ABCA10: variants seen among roughly 807,000 people sequenced by gnomAD.
ABCA10 encodes ATP-binding cassette sub-family A member 10.
In ABCA10, 169 loss-of-function variants were observed where a neutral mutation model predicts 187.5. That is an observed-to-expected ratio of 0.90 (90% CI 0.80 to 1.02). The LOEUF (loss-of-function observed/expected upper bound fraction) is 1.02, where lower values mean the gene tolerates loss of function less well. ABCA10 is among the 50% of genes least tolerant of loss of function. The pLI is 0.00. For synonymous variants in ABCA10, 574 were observed against 601.8 expected (o/e 0.95, Z 0.68); for missense variants, 1,727 against 1,812.4 (o/e 0.95, Z 0.86).
intron 3 of ABCA10, among the ~76,000 whole-genome samples, chr17:69,223,016 T>C (rs1490221998): frequency 1.3e-5 from 2 of 150,116 alleles, no homozygotes; most frequent in Non-Finnish European, 3.0e-5. Flanking sequence ...TGTGCATATT[T>C]GCCTTGAAGG....
Position 69,215,890 on chromosome 17 carries a change from A to G in ABCA10, c.783T>C (p.Tyr261=), listed in dbSNP as rs11077414. ...FWGCLGFTVL[Y]RQLPLSLGWV... ...ATCCCAAAGATAAAGGAAGTTGTCTATATAACACAGTGAATCCCAGACATC... is the reference window on the plus strand; with the variant it reads ...ATCCCAAAGATAAAGGAAGTTGTCTGTATAACACAGTGAATCCCAGACATC... The change falls in exon 8 of 39, where the codon TAT becomes TAC. Residue 261 remains tyrosine, a synonymous_variant. Transcript: ENST00000690296. 1,010,811 of 1,613,318 alleles carry G rather than the reference A, an allele frequency of 0.63. 324,117 individuals carry two copies. The highest frequency in any genetic ancestry group is 0.66 in the Non-Finnish European group (782,409 of 1,179,680).
At position 69,225,424 on chromosome 17, in the gene ABCA10, C is replaced by A. The variant is rs1005981291; in HGVS notation, c.-66G>T. ...ACCAGGCCAGAGTCATTAAACTGAT[C>A]CACGCTTCCCAGGACTTTAGGAGGT... On this transcript the variant is annotated 5_prime_UTR_variant, in exon 3 of 39. Coordinates refer to ENST00000690296, the MANE Select transcript of ABCA10 (RefSeq NM_001377321.1). 4.6e-5 allele frequency: 71 copies of A among 1,555,060 alleles called. No homozygotes were observed. The Admixed American group carries it at 1.2e-3, about 27-fold the overall frequency.
At position 69,149,068 on chromosome 17, in the gene ABCA10, C is replaced by A. The variant is rs1293979006; in HGVS notation, c.4498G>T (p.Glu1500Ter). 6.8e-6 allele frequency: 11 copies of A among 1,613,954 alleles called. No individual in the cohort carries two copies. Among genetic ancestry groups the A allele is most frequent in the African/African-American group, 1.3e-5 (1 of 75,032 alleles). ...LEAMKQTFNL[E>*]EYSLSQATLE... ...GTAGCCTGAGAGAGGCTGTATTCCT[C>A]CAGGTTGAAGGTCTGTTTCACTGCA... Residue 1500 changes from glutamate to a stop codon, truncating the protein, a stop_gained, in exon 38 of 39, where the codon GAG becomes TAG. Coordinates refer to ENST00000690296, the MANE Select transcript of ABCA10 (RefSeq NM_001377321.1). LOFTEE classifies it low-confidence loss of function (END_TRUNC).
chr17:69,152,132 T>C lies in ABCA10; in HGVS notation c.4308A>G (p.Leu1436=), dbSNP rs200579316. ...TAGGTTCTTTCATTTTTATTTCTAG[T>C]AAATAATCTCTACCAAACTTGTTTT... The part of the protein sequence containing the change: ...HLKNKFGRDY[L]LEIKMKEPTQ... Residue 1436 remains leucine, a synonymous_variant, in exon 36 of 39, where the codon TTA becomes TTG. Coordinates refer to ENST00000690296, the MANE Select transcript of ABCA10 (RefSeq NM_001377321.1). 61 of 1,613,750 alleles carry C rather than the reference T, an allele frequency of 3.8e-5. No homozygotes were observed. Among genetic ancestry groups the C allele is most frequent in the Admixed American group, 8.3e-5 (5 of 59,964 alleles).
At chr17:69,210,839 T>TATATATATATATATATATA (rs1568069864) in intron 9 of ABCA10, among the ~76,000 whole-genome samples, 10 of 31,072 alleles carry the variant, frequency 3.2e-4, no homozygotes, top group African/African-American at 6.6e-4. Context: ...TGCCACATAT[T>TATATATATATATATATATA]TATGCCACAT....
At chr17:69,163,680 C>T (rs775582904) in intron 27 of ABCA10, among the ~76,000 whole-genome samples, 2 of 152,144 alleles carry the variant, frequency 1.3e-5, no homozygotes, top group Non-Finnish European at 2.9e-5. Context: ...TTTATATTCG[C>T]TTTCATTGTC....
intron 12 of ABCA10, 70 bp from the exon 13 acceptor site, chr17:69,194,059 G>A (rs1386976238): frequency 1.4e-6 from 2 of 1,393,200 alleles, no homozygotes; most frequent in African/African-American, 2.9e-5. Flanking sequence ...ATATATGTTA[G>A]TATTTAGATT....
In ABCA10 at chr17:69,174,628, T is replaced by C. The variant is rs1292937008; in HGVS notation, c.3027A>G (p.Ser1009=). The C allele has an allele frequency of 1.2e-6, 2 of 1,604,286 alleles. No homozygotes were observed. The highest frequency in any genetic ancestry group is 1.7e-5 in the Admixed American group (1 of 57,692). Residue 1009 remains serine, a synonymous_variant, in exon 24 of 39, where the codon TCA becomes TCG. Transcript: ENST00000690296. ...TTACCAAAACAAACATGAGTTCCCA[T>C]GAAAGCTGGAATCCCAGAAATATGA... The part of the protein sequence containing the change: ...YYFIFLGFQL[S]WELMFVLVVC...
At chr17:69,192,896 C>T (rs1479159387) in intron 15 of ABCA10, among the ~76,000 whole-genome samples, 1 of 152,202 alleles carries the variant, frequency 6.6e-6, no homozygotes, top group East Asian at 1.9e-4. Context: ...TGGCCTGATT[C>T]TTCACCTCTT....
chr17:69,155,128 G>T lies in ABCA10; in HGVS notation c.3585C>A (p.Val1195=). 1 of 1,602,090 alleles carries T rather than the reference G, an allele frequency of 6.2e-7. No homozygotes were observed. Among genetic ancestry groups the T allele is most frequent in the Non-Finnish European group, 8.5e-7 (1 of 1,173,706 alleles). ...CCTTGTGTAAACAGCTTGCAGTTAT[G>T]ACTGGTTCCTGGAAAACATGACAAA... The part of the protein sequence containing the change: ...LTAPNLEEEP[V]ITASCLHKEY... The change falls in exon 30 of 39, where the codon GTC becomes GTA. Residue 1195 remains valine (V), a synonymous_variant. Transcript: ENST00000690296.
Position 69,214,755 on chromosome 17 carries a change from CA to C in ABCA10, c.954del (p.Phe318LeufsTer7). 2 of 1,517,760 alleles carry C rather than the reference CA, an allele frequency of 1.3e-6. No individual in the cohort carries two copies. The highest frequency in any genetic ancestry group is 1.3e-5 in the South Asian group (1 of 78,188). The allele number at this position is 1,517,760 out of a possible 1,614,324, so 94.0% of individuals were successfully genotyped here. On this transcript the variant is annotated frameshift_variant, in exon 9 of 39. Coordinates refer to ENST00000690296, the MANE Select transcript of ABCA10 (RefSeq NM_001377321.1). LOFTEE classifies it high-confidence loss of function. Reference sequence around the variant, plus strand: ...GTGAATATCAAATAGAAAAGAGTATCAAATGCCAAAATGAAAAAAGTGGCTA... The same window carrying C: ...GTGAATATCAAATAGAAAAGAGTATCAATGCCAAAATGAAAAAAGTGGCTA... ...KMIATFFILAFDTLFYLIFTL... is the reference protein window; with the variant it reads ...KMIATFFILAXDTLFYLIFTL...
In ABCA10 at chr17:69,153,850, C is replaced by A; in HGVS notation, c.3946G>T (p.Ala1316Ser). 1 of 1,613,600 alleles carries A rather than the reference C, an allele frequency of 6.2e-7. No individual in the cohort carries two copies. Among genetic ancestry groups the A allele is most frequent in the South Asian group, 1.1e-5 (1 of 90,940 alleles). ...CTGTACCGTGAAATACTGAGAGCAGCATCTTCTTTGCCCAGTCCTTTCACA... is the reference window on the plus strand; with the variant it reads ...CTGTACCGTGAAATACTGAGAGCAGAATCTTCTTTGCCCAGTCCTTTCACA... ...AAVKGLGKED[A>S]ALSISRLVEA... Residue 1316 changes from alanine to serine, a missense_variant, in exon 32 of 39, where the codon GCT (alanine) becomes TCT (serine). Coordinates refer to ENST00000690296, the MANE Select transcript of ABCA10 (RefSeq NM_001377321.1).
upstream of ABCA10, chr17:69,228,963 A>C (rs2074813689): frequency 6.6e-6 from 1 of 152,072 alleles, no homozygotes; most frequent in Non-Finnish European, 1.5e-5. Context: ...ATGACTTTTA[A>C]TAATTAAAAA....
chr17:69,154,550 A>T (rs1035969880), intron 30 of ABCA10, among the ~76,000 whole-genome samples: 2 of 150,500 alleles, frequency 1.3e-5, no homozygotes, highest in African/African-American at 4.9e-5. Flanking sequence ...TCAGTCTCCC[A>T]GGTAGCCAGA....
chr17:69,152,244 G>A, intron 35 of ABCA10, 61 bp from the exon 36 acceptor site: 1 of 1,574,912 alleles, frequency 6.3e-7, no homozygotes, highest in Non-Finnish European at 8.6e-7. Context: ...GGTTCTCACT[G>A]TAGAGGAAGG....
At chr17:69,165,790 A>G (rs183425635) in intron 25 of ABCA10, among the ~76,000 whole-genome samples, 268 of 152,274 alleles carry the variant, frequency 1.8e-3, no homozygotes, top group Non-Finnish European at 2.6e-3. Context: ...TGACAATTTG[A>G]AAACCTCACA....
In ABCA10 at chr17:69,185,655, A is replaced by C. The variant is rs2074415683; in HGVS notation, c.2331-12T>G. 1 of 1,572,494 alleles carries C rather than the reference A, an allele frequency of 6.4e-7. No individual in the cohort carries two copies. The highest frequency in any genetic ancestry group is 1.4e-5 in the African/African-American group (1 of 73,674). The stretch of plus-strand genomic sequence containing the variant: ...CAAGTACTAGTAACCTAAGTAAAAC[A>C]AAATTATAACATGAGTCTGAAGCAA... On this transcript the variant is annotated splice_polypyrimidine_tract_variant and intron_variant, in intron 19 of 38. Transcript: ENST00000690296.
At chr17:69,223,276 A>ATTC (rs112170597) in intron 3 of ABCA10, among the ~76,000 whole-genome samples, 4 of 151,954 alleles carry the variant, frequency 2.6e-5, no homozygotes, top group African/African-American at 7.3e-5. Flanking sequence ...TTATAAACTG[A>ATTC]TATCACATGA....
intron 18 of ABCA10, among the ~76,000 whole-genome samples, chr17:69,188,931 C>A (rs538417350): frequency 1.3e-5 from 2 of 152,174 alleles, no homozygotes; most frequent in South Asian, 4.1e-4. Flanking sequence ...ATCCAGTCCA[C>A]CACTGATGGG....
Sources: allele counts gnomAD v4.1 joint callset (sites outside exome capture counted in the v4.1 genomes callset), GRCh38; gene constraint gnomAD v4.1.1; transcripts MANE v1.5; gene names NCBI Gene and HGNC (gene_info 2026-07-23, HGNC 2026-07-21).